WWOX: variants seen among roughly 807,000 people sequenced by gnomAD.
WWOX encodes WW domain containing oxidoreductase, also known as WW domain-containing oxidoreductase.
In WWOX, 69 loss-of-function variants were observed where a neutral mutation model predicts 46.2. The ratio of observed to expected loss-of-function variants is 1.49; its 90% CI spans 1.23 to 1.82. The LOEUF is 1.82. WWOX is among the 40% of genes most tolerant of loss of function. The pLI is 0.00. For missense variants in WWOX, 919 were observed against 542.6 expected, an observed-to-expected ratio of 1.69 and a Z score of -6.89; for synonymous variants, 359 against 202.6, an observed-to-expected ratio of 1.77 and a Z score of -6.56.
chr16:78,717,757 C>T (rs990267706), intron 8 of WWOX, among the ~76,000 whole-genome samples: 4 of 152,120 alleles, frequency 2.6e-5, no homozygotes, highest in South Asian at 2.1e-4. Context: ...TGGATCTAAT[C>T]GAGGATTAGG....
intron 8 of WWOX, among the ~76,000 whole-genome samples, chr16:78,642,761 G>T (rs1242616144): frequency 6.6e-6 from 1 of 152,024 alleles, no homozygotes; most frequent in Non-Finnish European, 1.5e-5. Context: ...TACCTCAGTG[G>T]GGAACTCAGG....
At chr16:78,906,059 G>A (rs914588543) in intron 8 of WWOX, among the ~76,000 whole-genome samples, 11 of 152,170 alleles carry the variant, frequency 7.2e-5, no homozygotes, top group Non-Finnish European at 1.2e-4. Flanking sequence ...GAATAACATA[G>A]GCTACAGTAT....
chr16:78,259,800 A>G (rs1214289415), intron 5 of WWOX, among the ~76,000 whole-genome samples: 1 of 151,230 alleles, frequency 6.6e-6, no homozygotes, highest in African/African-American at 2.4e-5. Context: ...TAGGAATTTC[A>G]TATCTAGAAA....
intron 8 of WWOX, among the ~76,000 whole-genome samples, chr16:78,513,706 C>G (rs144760530): frequency 6.6e-6 from 1 of 152,170 alleles, no homozygotes; most frequent in African/African-American, 2.4e-5. Context: ...TTGAGAAATA[C>G]AATACTTATC....
At chr16:78,834,660 T>C (rs2051927346) in intron 8 of WWOX, among the ~76,000 whole-genome samples, 1 of 152,166 alleles carries the variant, frequency 6.6e-6, no homozygotes, top group Non-Finnish European at 1.5e-5. Flanking sequence ...TTCTTGAACA[T>C]TCCACTGACT....
At chr16:78,752,423 G>C (rs1026449252) in intron 8 of WWOX, among the ~76,000 whole-genome samples, 2 of 152,144 alleles carry the variant, frequency 1.3e-5, no homozygotes, top group African/African-American at 4.8e-5. Context: ...GAGTAGCTGG[G>C]ATTACAGGCA....
chr16:79,011,352 C>G (rs1273729252), intron 8 of WWOX, among the ~76,000 whole-genome samples: 2 of 151,946 alleles, frequency 1.3e-5, no homozygotes, highest in Admixed American at 1.3e-4. Flanking sequence ...ATTTTCATGT[C>G]TCCAATCCTG....
At chr16:78,926,802 G>T (rs544003936) in intron 8 of WWOX, among the ~76,000 whole-genome samples, 3 of 151,986 alleles carry the variant, frequency 2.0e-5, no homozygotes, top group African/African-American at 7.2e-5. Context: ...TTTTGTTTTT[G>T]TTTTCGTTTT....
At chr16:78,274,770 C>A (rs915459887) in intron 5 of WWOX, among the ~76,000 whole-genome samples, 1 of 152,188 alleles carries the variant, frequency 6.6e-6, no homozygotes, top group Non-Finnish European at 1.5e-5. Context: ...TTGCTCTAGA[C>A]ATGGCCCCAT....
At chr16:78,828,981 C>T (rs746596217) in intron 8 of WWOX, among the ~76,000 whole-genome samples, 2 of 152,180 alleles carry the variant, frequency 1.3e-5, no homozygotes, top group Non-Finnish European at 2.9e-5. Context: ...CCATGAATGG[C>T]AAAGCTAGGA....
chr16:78,702,173 C>G (rs1295015722), intron 8 of WWOX, among the ~76,000 whole-genome samples: 4 of 142,542 alleles, frequency 2.8e-5, no homozygotes, highest in Non-Finnish European at 4.5e-5. Context: ...TCAGCTACTC[C>G]GGAGGCCGAG....
At chr16:78,463,165 G>A (rs373248281) in intron 8 of WWOX, among the ~76,000 whole-genome samples, 5 of 152,158 alleles carry the variant, frequency 3.3e-5, no homozygotes, top group Non-Finnish European at 5.9e-5. Flanking sequence ...GTGAAAACGC[G>A]AAAGAAAATA....
chr16:79,115,199 T>A (rs1431675507), intron 8 of WWOX, among the ~76,000 whole-genome samples: 1 of 152,216 alleles, frequency 6.6e-6, no homozygotes, highest in Non-Finnish European at 1.5e-5. Flanking sequence ...TGGGGTTGCT[T>A]GATTTGATTT....
chr16:78,292,765 A>G (rs2079880576), intron 5 of WWOX, among the ~76,000 whole-genome samples: 1 of 152,202 alleles, frequency 6.6e-6, no homozygotes, highest in Non-Finnish European at 1.5e-5. Context: ...AGGGCTTCGT[A>G]GAAGAGCCAA....
chr16:79,191,042 T>G (rs118011534), intron 8 of WWOX, among the ~76,000 whole-genome samples: 1,929 of 152,170 alleles, frequency 0.013, 20 homozygotes, highest in Non-Finnish European at 0.019. Context: ...ACTTCTTTTT[T>G]TTGTTGTTTG....
chr16:79,150,516 G>A (rs768309824), intron 8 of WWOX, among the ~76,000 whole-genome samples: 13 of 152,224 alleles, frequency 8.5e-5, no homozygotes, highest in Non-Finnish European at 1.9e-4. Flanking sequence ...CAAAGATAGT[G>A]TGCATGCCTC....
At chr16:79,175,250 TG>T (rs2050778025) in intron 8 of WWOX, among the ~76,000 whole-genome samples, 1 of 152,230 alleles carries the variant, frequency 6.6e-6, no homozygotes, top group African/African-American at 2.4e-5. Flanking sequence ...TTCTCAGTGA[TG>T]AAATGTTACA....
At chr16:78,104,693 G>A (rs778182025) in intron 1 of WWOX, among the ~76,000 whole-genome samples, 3 of 152,014 alleles carry the variant, frequency 2.0e-5, no homozygotes, top group Non-Finnish European at 4.4e-5. Flanking sequence ...AATGCTTAGG[G>A]GACATGTGTT....
In WWOX at chr16:78,581,518, G is replaced by T. The variant is rs571134702; in HGVS notation, c.1056+148766G>T. ...TGAAGTTGTGACTGCCAACGTGCTA[G>T]TCTTGTCGTCTTACACGTTAATGGT... On this transcript the variant is annotated intron_variant, in intron 8 of 8. Transcript: ENST00000566780. Among the ~76,000 whole-genome samples, 4 of 152,284 alleles carry T rather than the reference G, an allele frequency of 2.6e-5. No individual in the cohort carries two copies. The East Asian group carries it at 7.7e-4, about 29-fold the overall frequency.
Sources: allele counts gnomAD v4.1 joint callset (sites outside exome capture counted in the v4.1 genomes callset), GRCh38; gene constraint gnomAD v4.1.1; transcripts MANE v1.5; gene names NCBI Gene and HGNC (gene_info 2026-07-23, HGNC 2026-07-21).